Variants in CCSER1 observed in about 807,000 individuals in gnomAD.
CCSER1 encodes the protein serine-rich coiled-coil domain-containing protein 1.
Under a neutral mutation model 82.0 loss-of-function variants are expected in CCSER1, and 41 were observed. That is an observed-to-expected ratio of 0.50 (90% CI 0.39 to 0.65). CCSER1 has a LOEUF of 0.65. Among genes scored for constraint, CCSER1 ranks in the 30% least tolerant of loss-of-function variants. The pLI is 0.00. For missense variants in CCSER1, 1,119 were observed against 1,064.2 expected, an observed-to-expected ratio of 1.05 and a Z score of -0.72; for synonymous variants, 414 against 383.9, an observed-to-expected ratio of 1.08 and a Z score of -0.92.
At chr4:91,322,382 T>C (rs975315827) in intron 10 of CCSER1, among the ~76,000 whole-genome samples, 1 of 152,044 alleles carries the variant, frequency 6.6e-6, no homozygotes, top group African/African-American at 2.4e-5. Flanking sequence ...ATATCCTCTT[T>C]AAGTTGATGT....
chr4:91,226,379 T>C (rs776022711), intron 10 of CCSER1, among the ~76,000 whole-genome samples: 12 of 151,914 alleles, frequency 7.9e-5, no homozygotes, highest in Non-Finnish European at 2.9e-5. Context: ...TGATAAATCA[T>C]TGGAATTTGC....
intron 1 of CCSER1, among the ~76,000 whole-genome samples, chr4:90,205,682 G>A (rs929701218): frequency 1.3e-5 from 2 of 152,134 alleles, no homozygotes; most frequent in Non-Finnish European, 2.9e-5. Flanking sequence ...TCTCTGCCTC[G>A]TTTTGGTATC....
intron 8 of CCSER1, among the ~76,000 whole-genome samples, chr4:90,851,135 C>T (rs1763830977): frequency 6.6e-6 from 1 of 152,154 alleles, no homozygotes; most frequent in Admixed American, 6.5e-5. Flanking sequence ...TGGGGCCTCC[C>T]TAGGCATGTG....
chr4:90,832,126 AG>A (rs756640524), intron 8 of CCSER1, among the ~76,000 whole-genome samples: 138 of 152,214 alleles, frequency 9.1e-4, no homozygotes, highest in Non-Finnish European at 1.6e-3. Flanking sequence ...ACAATTTACT[AG>A]TAATGTTATC....
At chr4:91,187,060 CAGCTTCCCTTGGCTAGGA>C (rs1423255923) in intron 10 of CCSER1, among the ~76,000 whole-genome samples, 1 of 152,226 alleles carries the variant, frequency 6.6e-6, no homozygotes, top group Non-Finnish European at 1.5e-5. Flanking sequence ...GCATCTGTCA[CAGCTTCCCTTGGCTAGGA>C]AAGGGAATTC....
At chr4:90,861,756 T>C (rs1040289551) in intron 8 of CCSER1, among the ~76,000 whole-genome samples, 8 of 151,632 alleles carry the variant, frequency 5.3e-5, no homozygotes, top group African/African-American at 1.9e-4. Flanking sequence ...CTATGTCTCA[T>C]TTGACCCTTA....
chr4:90,169,910 A>G (rs1486288694), intron 1 of CCSER1, among the ~76,000 whole-genome samples: 1 of 151,922 alleles, frequency 6.6e-6, no homozygotes, highest in African/African-American at 2.4e-5. Flanking sequence ...TTAGGCTTCT[A>G]TGATAATACA....
At chr4:90,531,171 T>TA (rs1258203482) in intron 5 of CCSER1, among the ~76,000 whole-genome samples, 3 of 151,982 alleles carry the variant, frequency 2.0e-5, no homozygotes, top group Non-Finnish European at 4.4e-5. Flanking sequence ...GTTTTTTTTT[T>TA]AACCCCCCAA....
intron 10 of CCSER1, among the ~76,000 whole-genome samples, chr4:91,369,446 C>G (rs1467420072): frequency 6.6e-6 from 1 of 152,132 alleles, no homozygotes; most frequent in Non-Finnish European, 1.5e-5. Flanking sequence ...AATTTTTGAG[C>G]AATTCTTGTT....
chr4:90,860,221 T>C (rs764123570), intron 8 of CCSER1, among the ~76,000 whole-genome samples: 240 of 151,768 alleles, frequency 1.6e-3, no homozygotes, highest in Non-Finnish European at 2.5e-3. Context: ...CACTGTAAGA[T>C]ATATGAATGT....
chr4:91,465,190 G>C (rs1756803882), intron 10 of CCSER1, among the ~76,000 whole-genome samples: 1 of 152,152 alleles, frequency 6.6e-6, no homozygotes, highest in Admixed American at 6.6e-5. Context: ...TAGAACTCAG[G>C]ATTAAGAAAC....
chr4:90,433,199 G>A (rs1445374578), intron 4 of CCSER1, among the ~76,000 whole-genome samples: 2 of 152,066 alleles, frequency 1.3e-5, no homozygotes, highest in South Asian at 2.1e-4. Flanking sequence ...GTGCATTAGC[G>A]CCCCACATTT....
chr4:90,312,659 C>T (rs1159854206), intron 2 of CCSER1, among the ~76,000 whole-genome samples: 2 of 152,070 alleles, frequency 1.3e-5, no homozygotes, highest in East Asian at 3.9e-4. Flanking sequence ...AGCAACGAAG[C>T]AACAAAGGAT....
In CCSER1 at chr4:90,176,134, A is replaced by G. The variant is rs189329390; in HGVS notation, c.-42+48303A>G. Reference sequence around the variant, plus strand: ...AAATGACAGGTTAAGACGTCTTGGCAGTATCTGTGGAGTAAGGATGCTTAA... The same window carrying G: ...AAATGACAGGTTAAGACGTCTTGGCGGTATCTGTGGAGTAAGGATGCTTAA... On this transcript the variant is annotated intron_variant, in intron 1 of 10. Transcript: ENST00000509176. 8.9e-4 allele frequency among the ~76,000 whole-genome samples: 136 copies of G among 152,102 alleles called. 1 individual carries two copies. Among genetic ancestry groups the G allele is most frequent in the Non-Finnish European group, 1.4e-3 (98 of 67,932 alleles).
intron 8 of CCSER1, among the ~76,000 whole-genome samples, chr4:90,908,976 C>G (rs1188596084): frequency 6.6e-6 from 1 of 152,158 alleles, no homozygotes; most frequent in Non-Finnish European, 1.5e-5. Context: ...TCTCAGAAGT[C>G]TTTCTTGAGA....
At position 91,201,162 on chromosome 4, in the gene CCSER1, T is replaced by C. The variant is rs540382347; in HGVS notation, c.2217+115168T>C. Among the ~76,000 whole-genome samples the C allele has an allele frequency of 1.2e-4, 18 of 152,130 alleles. No individual in the cohort carries two copies. In the South Asian group the frequency reaches 3.1e-3, roughly 26 times the overall value. ...GGTGCTCCCTACATAACTATTTCTA[T>C]TTGGACATGACACACATTGCAAGAA... On this transcript the variant is annotated intron_variant, in intron 10 of 10. Transcript: ENST00000509176.
Position 90,923,447 on chromosome 4 carries a change from T to C in CCSER1, c.2172T>C (p.Asp724=), listed in dbSNP as rs1449273064. The change falls in exon 9 of 11, where the codon GAT becomes GAC. Residue 724 remains aspartate, a splice_region_variant and synonymous_variant. Coordinates refer to ENST00000509176, the MANE Select transcript of CCSER1 (RefSeq NM_001145065.2). ...CACAGACTGAACTACTATGCTATGA[T>C]GTAAGTAGCTCTGTAAAACCATTTT... ...KSTQTELLCY[D]GLNLKRLETV... 3.2e-6 allele frequency: 5 copies of C among 1,547,596 alleles called. No individual in the cohort carries two copies. Among genetic ancestry groups the C allele is most frequent in the Non-Finnish European group, 4.4e-6 (5 of 1,143,356 alleles).
intron 8 of CCSER1, among the ~76,000 whole-genome samples, chr4:90,868,653 C>A (rs1043011903): frequency 6.6e-6 from 1 of 152,042 alleles, no homozygotes; most frequent in Non-Finnish European, 1.5e-5. Flanking sequence ...AACAGTGCTG[C>A]AACAAACATA....
At chr4:91,335,006 T>A (rs577675188) in intron 10 of CCSER1, among the ~76,000 whole-genome samples, 1 of 151,004 alleles carries the variant, frequency 6.6e-6, no homozygotes, top group Non-Finnish European at 1.5e-5. Flanking sequence ...TTTTAAATGT[T>A]TTTTTTAATT....
Sources: gnomAD v4.1 joint callset for allele counts (sites outside exome capture counted in the v4.1 genomes callset) on GRCh38, gnomAD v4.1.1 for gene constraint, MANE v1.5 for transcripts, NCBI Gene and HGNC (gene_info 2026-07-23, HGNC 2026-07-21) for gene names.